Variants in EPAS1 observed in about 807,000 individuals in gnomAD.
The protein encoded by EPAS1 is endothelial PAS domain-containing protein 1.
Under a neutral mutation model 87.9 loss-of-function variants are expected in EPAS1, and 23 were observed. The observed-to-expected ratio is 0.26, with a 90% CI of 0.19 to 0.37. The LOEUF is 0.37. EPAS1 is among the 10% of genes least tolerant of loss of function. The pLI, the probability that EPAS1 is intolerant of heterozygous loss-of-function variation, is 1.00. For missense variants in EPAS1, 1,138 were observed against 1,120.7 expected (o/e 1.02, Z -0.22); for synonymous variants, 508 against 444.3 (o/e 1.14, Z -1.80).
rs904804457 is a variant in EPAS1 at position 46,360,246 on chromosome 2, C to T, written c.455-392C>T. 2.6e-5 allele frequency among the ~76,000 whole-genome samples: 4 copies of T among 152,228 alleles called. No homozygotes were observed. Among genetic ancestry groups the T allele is most frequent in the African/African-American group, 9.7e-5 (4 of 41,446 alleles). On this transcript the variant is annotated intron_variant, in intron 4 of 15. Coordinates refer to ENST00000263734, the MANE Select transcript of EPAS1 (RefSeq NM_001430.5). The surrounding 1 kb of genome is among the most constrained non-coding windows in gnomAD (Gnocchi z 4.5). ...CTTACACCCTTGGAGTAACTGTGGC[C>T]TCACTCAGACTGTCCCTTGGAATTT...
Position 46,380,145 on chromosome 2 carries a change from G to A in EPAS1, c.1555-82G>A. ...TGTGAAACAGTGCTTGAGATGAATG[G>A]CTCTGCAGGAGCTGAGTTGGAATAG... On this transcript the variant is annotated intron_variant, in intron 11 of 15. Transcript: ENST00000263734. The surrounding 1 kb of genome is among the most constrained non-coding windows in gnomAD (Gnocchi z 4.4). 1 of 1,595,690 alleles carries A rather than the reference G, an allele frequency of 6.3e-7. No individual in the cohort carries two copies. The highest frequency in any genetic ancestry group is 1.1e-5 in the South Asian group (1 of 90,952).
intron 7 of EPAS1, among the ~76,000 whole-genome samples, chr2:46,374,307 G>A (rs1179343834): frequency 6.6e-6 from 1 of 152,150 alleles, no homozygotes; most frequent in Admixed American, 6.5e-5. Flanking sequence ...CCTCCCGAGT[G>A]GCCCCTCATG....
intron 6 of EPAS1, among the ~76,000 whole-genome samples, chr2:46,369,333 GC>G (rs1684574033): frequency 6.6e-6 from 1 of 152,104 alleles, no homozygotes; most frequent in African/African-American, 2.4e-5. Flanking sequence ...TCTACCTGGG[GC>G]CACATAATTT....
intron 4 of EPAS1, among the ~76,000 whole-genome samples, chr2:46,358,052 G>A (rs1684306964): frequency 6.6e-6 from 1 of 152,212 alleles, no homozygotes; most frequent in Non-Finnish European, 1.5e-5. Context: ...CACTGCCATG[G>A]GGCTTGTGCT....
chr2:46,377,622 T>C (rs1047746594), intron 9 of EPAS1, among the ~76,000 whole-genome samples: 2 of 152,214 alleles, frequency 1.3e-5, no homozygotes, highest in Non-Finnish European at 2.9e-5. Context: ...TCCGGATCTG[T>C]TCCTCAGGGA....
intron 1 of EPAS1, among the ~76,000 whole-genome samples, chr2:46,302,118 CTGTGTGTGTGTGTGTGTG>C (rs35880089): frequency 7.8e-6 from 1 of 127,578 alleles, no homozygotes; most frequent in African/African-American, 3.2e-5. Flanking sequence ...CTCTTTCTCT[CTGTGTGTGTGTGTGTGTG>C]TGTGTGTGTG....
chr2:46,302,248 C>G (rs1266195490), intron 1 of EPAS1, among the ~76,000 whole-genome samples: 1 of 151,452 alleles, frequency 6.6e-6, no homozygotes, highest in African/African-American at 2.4e-5. Context: ...AGATAATTCT[C>G]AGTGCTCCAG....
At chr2:46,328,166 G>A (rs1683602112) in intron 1 of EPAS1, among the ~76,000 whole-genome samples, 1 of 152,188 alleles carries the variant, frequency 6.6e-6, no homozygotes, top group Admixed American at 6.6e-5. Flanking sequence ...AGACTGCTAA[G>A]TGCCAAAAGA....
intron 1 of EPAS1, among the ~76,000 whole-genome samples, chr2:46,345,301 T>G (rs1228051305): frequency 6.6e-6 from 1 of 152,186 alleles, no homozygotes; most frequent in Non-Finnish European, 1.5e-5. Context: ...CATACTTGTT[T>G]CTTCATTAAA....
At chr2:46,310,238 A>G (rs1683184471) in intron 1 of EPAS1, among the ~76,000 whole-genome samples, 1 of 151,992 alleles carries the variant, frequency 6.6e-6, no homozygotes, top group South Asian at 2.1e-4. Flanking sequence ...ATTATTTGAT[A>G]AGGTTCTCTT....
In EPAS1 at chr2:46,356,704, TA is replaced by T; in HGVS notation, c.370-18del. 6.3e-7 allele frequency: 1 copy of T among 1,591,556 alleles called. No homozygotes were observed. The highest frequency in any genetic ancestry group is 8.6e-7 in the Non-Finnish European group (1 of 1,159,454). On this transcript the variant is annotated intron_variant, in intron 3 of 15. Transcript: ENST00000263734. ...CTTCACTGTTAGGAATAATGATGCC[TA>T]ACCTTGTTTTTGAAACAGGTGGAGC... is the stretch of plus-strand genomic sequence containing the variant.
intron 1 of EPAS1, among the ~76,000 whole-genome samples, chr2:46,319,940 G>A (rs1683420300): frequency 6.6e-6 from 1 of 152,154 alleles, no homozygotes; most frequent in African/African-American, 2.4e-5. Context: ...GAGTTCCCAG[G>A]CATCTTCGAA....
In EPAS1 at chr2:46,380,511, C is replaced by G. The variant is rs777399123; in HGVS notation, c.1839C>G (p.Ser613Arg). 6.2e-7 allele frequency: 1 copy of G among 1,614,196 alleles called. No individual in the cohort carries two copies. Among genetic ancestry groups the G allele is most frequent in the Admixed American group, 1.7e-5 (1 of 60,032 alleles). The change falls in exon 12 of 16, where the codon AGC becomes AGG. Residue 613 changes from serine to arginine, a missense_variant. This residue lies in a region of EPAS1 where 502 missense variants were observed against 427.1 expected (regional missense o/e 1.18). Transcript: ENST00000263734. The surrounding 1 kb of genome is among the most constrained non-coding windows in gnomAD (Gnocchi z 4.4). ...CCTCCATCTTCTTTGATGCCGGAAG[C>G]AAAGCATCCCTGCCACCGTGCTGTG... ...PMSSIFFDAGSKASLPPCCGQ... is the reference protein window; with the variant it reads ...PMSSIFFDAGRKASLPPCCGQ...
At chr2:46,301,972 C>G (rs1295893369) in intron 1 of EPAS1, among the ~76,000 whole-genome samples, 1 of 152,128 alleles carries the variant, frequency 6.6e-6, no homozygotes, top group Non-Finnish European at 1.5e-5. Flanking sequence ...AGGACCGCTC[C>G]TCAGTGGAGC....
At chr2:46,319,632 G>A (rs1031095923) in intron 1 of EPAS1, among the ~76,000 whole-genome samples, 8 of 152,180 alleles carry the variant, frequency 5.3e-5, no homozygotes, top group Admixed American at 2.0e-4. Flanking sequence ...ATTGCTGATC[G>A]TGGTTGGAAG....
rs538857490 is a variant in EPAS1, at chr2:46,384,375, G to A, written c.2462-134G>A. 5.2e-5 allele frequency: 67 copies of A among 1,281,022 alleles called. 1 individual carries two copies. The highest frequency in any genetic ancestry group is 2.0e-4 in the Middle Eastern group (1 of 4,978). 79.4% of individuals were successfully genotyped at this position (1,281,022 alleles called of 1,614,324 possible). A position where few individuals can be genotyped will look rare whatever the true frequency, so the allele number is the denominator to read the frequency against. ...ACGTTCCCCGGGCATGCAGCAGGCCGTGGGACAGACACCACTGAAGGAGCA... is the reference window on the plus strand; with the variant it reads ...ACGTTCCCCGGGCATGCAGCAGGCCATGGGACAGACACCACTGAAGGAGCA... On this transcript the variant is annotated intron_variant, in intron 15 of 15. Transcript: ENST00000263734.
rs768682583 is a variant in EPAS1, at chr2:46,356,823, G to C, written c.454+15G>C. ...TCTCAAAAATGGTATCCTTAATTGTGTTTACTTCCTTCTTGCCCCCACTGG... is the reference window on the plus strand; with the variant it reads ...TCTCAAAAATGGTATCCTTAATTGTCTTTACTTCCTTCTTGCCCCCACTGG... On this transcript the variant is annotated intron_variant, in intron 4 of 15. Transcript: ENST00000263734. 1.9e-6 allele frequency: 3 copies of C among 1,593,236 alleles called. No homozygotes were observed. Among genetic ancestry groups the C allele is most frequent in the Non-Finnish European group, 2.6e-6 (3 of 1,161,038 alleles).
chr2:46,377,960 C>T lies in EPAS1; in HGVS notation c.1316C>T (p.Ala439Val), dbSNP rs749115941. The T allele has an allele frequency of 6.4e-7, 1 of 1,563,914 alleles. No individual in the cohort carries two copies. Among genetic ancestry groups the T allele is most frequent in the Middle Eastern group, 1.7e-4 (1 of 5,988 alleles). ...ATCCTGCCCCCGAGCCAGCCATGGGCCACGGAGTTGAGGAGCCACAGCACC... is the reference window on the plus strand; with the variant it reads ...ATCCTGCCCCCGAGCCAGCCATGGGTCACGGAGTTGAGGAGCCACAGCACC... ...KAILPPSQPW[A>V]TELRSHSTQS... Residue 439 changes from alanine to valine, a missense_variant, in exon 10 of 16, where the codon GCC becomes GTC. This residue lies in a region of EPAS1 where 284 missense variants were observed against 258.4 expected (regional missense o/e 1.10). Transcript: ENST00000263734.
At chr2:46,353,747 C>T (rs1034494765) in intron 2 of EPAS1, among the ~76,000 whole-genome samples, 1 of 152,218 alleles carries the variant, frequency 6.6e-6, no homozygotes, top group Non-Finnish European at 1.5e-5. Flanking sequence ...AAACCCCAAG[C>T]AGGGATCAGG....
Sources: allele counts gnomAD v4.1 joint callset (sites outside exome capture counted in the v4.1 genomes callset), GRCh38; gene constraint gnomAD v4.1.1; regional missense constraint gnomAD v4.1.1; non-coding constraint Gnocchi (gnomAD v3.1); transcripts MANE v1.5; gene names NCBI Gene and HGNC (gene_info 2026-07-23, HGNC 2026-07-21).